Variants in TNFRSF21 observed in about 807,000 individuals in gnomAD.
The protein encoded by TNFRSF21 is tumor necrosis factor receptor superfamily member 21.
TNFRSF21 carries 19 observed loss-of-function variants against 45.6 expected under a neutral mutation model. The ratio of observed to expected loss-of-function variants is 0.42; its 90% CI spans 0.29 to 0.61. TNFRSF21 has a LOEUF of 0.61. TNFRSF21 is among the 20% of genes least tolerant of loss of function. The pLI, the probability that TNFRSF21 is intolerant of heterozygous loss-of-function variation, is 0.23. For missense variants in TNFRSF21, 737 were observed against 851.5 expected (o/e 0.87, Z 1.67); for synonymous variants, 314 against 335.5 (o/e 0.94, Z 0.70).
intron 3 of TNFRSF21, among the ~76,000 whole-genome samples, chr6:47,257,382 G>T (rs1012504666): frequency 2.0e-5 from 3 of 152,174 alleles, no homozygotes; most frequent in African/African-American, 7.2e-5. Flanking sequence ...TCCATGAACT[G>T]GCTGGGGTCG....
rs1764956112 is a variant in TNFRSF21, at chr6:47,254,793, A to G, written c.1244-1272T>C. 2.0e-5 allele frequency among the ~76,000 whole-genome samples: 3 copies of G among 152,358 alleles called. No homozygotes were observed. In the South Asian group the frequency reaches 6.2e-4, roughly 32 times the overall value. ...AGACAGCAGCCAAAATGACTGTATAATAACAATAGCTATTATCTTCCAGGT... is the reference window on the plus strand; with the variant it reads ...AGACAGCAGCCAAAATGACTGTATAGTAACAATAGCTATTATCTTCCAGGT... On this transcript the variant is annotated intron_variant, in intron 3 of 5. Coordinates refer to ENST00000296861, the MANE Select transcript of TNFRSF21 (RefSeq NM_014452.5).
intron 3 of TNFRSF21, among the ~76,000 whole-genome samples, chr6:47,279,576 T>C (rs1762539679): frequency 6.6e-6 from 1 of 152,224 alleles, no homozygotes. Flanking sequence ...ACCTCTCAAT[T>C]AATGTGAATC....
chr6:47,309,663 G>A lies in TNFRSF21; in HGVS notation c.-152C>T. 18 of 1,170,456 alleles carry A rather than the reference G, an allele frequency of 1.5e-5. No homozygotes were observed. Among genetic ancestry groups the A allele is most frequent in the Non-Finnish European group, 1.9e-5 (17 of 902,120 alleles). The allele number at this position is 1,170,456 out of a possible 1,614,324, so 72.5% of individuals were successfully genotyped here. A position where few individuals can be genotyped will look rare whatever the true frequency, so the allele number is the denominator to read the frequency against. On this transcript the variant is annotated 5_prime_UTR_variant, in exon 1 of 6. Coordinates refer to ENST00000296861, the MANE Select transcript of TNFRSF21 (RefSeq NM_014452.5). ...ATGTGCACTGCTGCGGCCGGGCAGA[G>A]GAGGGAGGCGGCAAGGGAGGCTCTA... is the stretch of plus-strand genomic sequence containing the variant.
At chr6:47,245,734 T>C (rs1251942452) in intron 4 of TNFRSF21, among the ~76,000 whole-genome samples, 2 of 152,192 alleles carry the variant, frequency 1.3e-5, no homozygotes, top group Non-Finnish European at 2.9e-5. Context: ...TATAGTAATA[T>C]ATCTGTATTA....
chr6:47,284,370 G>T lies in TNFRSF21; in HGVS notation c.811C>A (p.Gln271Lys). 1 of 1,557,930 alleles carries T rather than the reference G, an allele frequency of 6.4e-7. No homozygotes were observed. Among genetic ancestry groups the T allele is most frequent in the Non-Finnish European group, 8.7e-7 (1 of 1,154,238 alleles). ...GTGTTGTCAGGGACTGTCCCTTCCT[G>T]GATGCTACTCAGTACCTTTGGTCTA... ...SVRPKVLSSI[Q>K]EGTVPDNTSS... Residue 271 changes from glutamine to lysine, a missense_variant, in exon 3 of 6, where the codon CAG becomes AAG. Gln to Lys is a moderately conservative substitution (Grantham distance 53). Coordinates refer to ENST00000296861, the MANE Select transcript of TNFRSF21 (RefSeq NM_014452.5).
intron 3 of TNFRSF21, among the ~76,000 whole-genome samples, chr6:47,279,545 TA>T (rs1012077220): frequency 6.6e-6 from 1 of 152,130 alleles, no homozygotes; most frequent in East Asian, 1.9e-4. Context: ...ACAGATCAAA[TA>T]AAAAAATGTT....
chr6:47,255,465 T>TG (rs1327534034), intron 3 of TNFRSF21, among the ~76,000 whole-genome samples: 8 of 151,988 alleles, frequency 5.3e-5, no homozygotes, highest in Non-Finnish European at 1.0e-4. Context: ...TTTGGTTTTT[T>TG]TTTTTGTTTT....
chr6:47,232,749 G>C lies in TNFRSF21; in HGVS notation c.*16C>G. The C allele has an allele frequency of 6.2e-7, 1 of 1,608,056 alleles. No individual in the cohort carries two copies. The highest frequency in any genetic ancestry group is 1.1e-5 in the South Asian group (1 of 90,604). ...CACTAAATTGAGTAATTTCCAGAAT[G>C]CAGTATCCCTATGTTCTACAGCAGG... On this transcript the variant is annotated 3_prime_UTR_variant, in exon 6 of 6. Transcript: ENST00000296861.
chr6:47,255,316 TGTTTATG>T (rs1764969631), intron 3 of TNFRSF21, among the ~76,000 whole-genome samples: 1 of 152,226 alleles, frequency 6.6e-6, no homozygotes, highest in Admixed American at 6.5e-5. Flanking sequence ...GGTGTCTCTC[TGTTTATG>T]GCGTCTTCTC....
chr6:47,292,622 T>A (rs934965172), intron 1 of TNFRSF21, among the ~76,000 whole-genome samples: 1 of 152,236 alleles, frequency 6.6e-6, no homozygotes, highest in Non-Finnish European at 1.5e-5. Context: ...ACCAATCTGG[T>A]ACTTTTAATT....
intron 1 of TNFRSF21, among the ~76,000 whole-genome samples, chr6:47,303,541 G>A (rs569662164): frequency 1.9e-4 from 29 of 152,280 alleles, no homozygotes; most frequent in African/African-American, 6.5e-4. Flanking sequence ...CAAGAACAGT[G>A]AGATCACTAC....
At chr6:47,237,271 G>A (rs1764675435) in intron 4 of TNFRSF21, among the ~76,000 whole-genome samples, 1 of 151,718 alleles carries the variant, frequency 6.6e-6, no homozygotes, top group African/African-American at 2.4e-5. Context: ...ATCTAAAGTT[G>A]TTTTCACTTT....
chr6:47,244,323 CAAAAAA>C, intron 4 of TNFRSF21, among the ~76,000 whole-genome samples: 1 of 76,052 alleles, frequency 1.3e-5, no homozygotes, highest in Non-Finnish European at 2.8e-5. Context: ...GACTCCGTCT[CAAAAAA>C]AAAAAAAAAA....
chr6:47,279,292 A>G (rs1762536142), intron 3 of TNFRSF21, among the ~76,000 whole-genome samples: 1 of 152,240 alleles, frequency 6.6e-6, no homozygotes. Context: ...GGAAGAAAGA[A>G]GGAAAAGGGA....
intron 1 of TNFRSF21, among the ~76,000 whole-genome samples, chr6:47,298,257 T>C (rs1264471137): frequency 5.9e-5 from 7 of 118,828 alleles, no homozygotes; most frequent in Middle Eastern, 7.9e-3. Flanking sequence ...TCTGGCAACA[T>C]AGGCAGACCC....
At chr6:47,243,903 A>T (rs946473137) in intron 4 of TNFRSF21, among the ~76,000 whole-genome samples, 1 of 152,174 alleles carries the variant, frequency 6.6e-6, no homozygotes, top group Non-Finnish European at 1.5e-5. Context: ...ATTACACATG[A>T]CACTACAATG....
intron 3 of TNFRSF21, among the ~76,000 whole-genome samples, chr6:47,257,239 C>A (rs1056681218): frequency 2.0e-5 from 3 of 151,582 alleles, no homozygotes; most frequent in Admixed American, 6.6e-5. Context: ...GAAAAAAAAA[C>A]CCACAAAGAA....
At chr6:47,272,804 T>C (rs911742673) in intron 3 of TNFRSF21, among the ~76,000 whole-genome samples, 1 of 151,740 alleles carries the variant, frequency 6.6e-6, no homozygotes, top group African/African-American at 2.4e-5. Flanking sequence ...AGAATCAAAT[T>C]GATGCAATAA....
intron 3 of TNFRSF21, among the ~76,000 whole-genome samples, chr6:47,258,611 G>T (rs1373130348): frequency 6.6e-6 from 1 of 151,882 alleles, no homozygotes; most frequent in Non-Finnish European, 1.5e-5. Context: ...GCTAATTTTT[G>T]TATTTTTAGT....
Sources: allele counts gnomAD v4.1 joint callset (sites outside exome capture counted in the v4.1 genomes callset), GRCh38; gene constraint gnomAD v4.1.1; transcripts MANE v1.5; gene names NCBI Gene and HGNC (gene_info 2026-07-23, HGNC 2026-07-21).